CSMD1: variants seen among roughly 807,000 people sequenced by gnomAD.
CSMD1 encodes CUB and Sushi multiple domains 1.
A neutral mutation model predicts 417.5 loss-of-function variants in CSMD1; 213 were observed. The observed-to-expected ratio is 0.51, with a 90% CI of 0.46 to 0.57. The LOEUF is 0.57. Ranked by LOEUF, CSMD1 falls within the 20% of genes least tolerant of loss-of-function variation. The pLI, the probability that CSMD1 is intolerant of heterozygous loss-of-function variation, is 0.00. For missense variants in CSMD1, 6,923 were observed against 4,529.7 expected (o/e 1.53, Z -15.17); for synonymous variants, 2,862 against 1,736.8 (o/e 1.65, Z -16.11).
chr8:4,565,128 C>A (rs563427708), intron 2 of CSMD1, among the ~76,000 whole-genome samples: 1 of 152,332 alleles, frequency 6.6e-6, no homozygotes, highest in South Asian at 2.1e-4. Flanking sequence ...ATTAGAAGTA[C>A]AGCTTCTTAT....
intron 26 of CSMD1, among the ~76,000 whole-genome samples, chr8:3,282,394 T>C (rs1289414562): frequency 1.3e-5 from 2 of 152,052 alleles, no homozygotes; most frequent in Non-Finnish European, 2.9e-5. Flanking sequence ...TTGAAAAAAA[T>C]GCCTGGAGAA....
chr8:4,638,835 G>C (rs1047779931), intron 1 of CSMD1, among the ~76,000 whole-genome samples: 19 of 152,196 alleles, frequency 1.2e-4, no homozygotes, highest in African/African-American at 3.9e-4. Flanking sequence ...AAGCCACTGA[G>C]CAGTGTCTGA....
chr8:4,876,626 AG>A (rs1803057829), intron 1 of CSMD1, among the ~76,000 whole-genome samples: 2 of 152,084 alleles, frequency 1.3e-5, no homozygotes, highest in South Asian at 4.1e-4. Context: ...AGTTCACAAT[AG>A]GTTATTTAGG....
At chr8:3,062,591 A>C (rs1193331391) in intron 49 of CSMD1, among the ~76,000 whole-genome samples, 1 of 152,168 alleles carries the variant, frequency 6.6e-6, no homozygotes, top group Non-Finnish European at 1.5e-5. Context: ...ATGAAATGCA[A>C]AATTGAGGAT....
chr8:4,353,684 C>G (rs911616614), intron 3 of CSMD1, among the ~76,000 whole-genome samples: 5 of 152,172 alleles, frequency 3.3e-5, no homozygotes, highest in Admixed American at 6.6e-5. Context: ...TCTCAGAATT[C>G]ACAATCAGGC....
rs551605506 is a variant in CSMD1, at chr8:4,414,086, T to G, written c.415+5867A>C. Among the ~76,000 whole-genome samples the G allele has an allele frequency of 6.2e-4, 94 of 152,332 alleles. 1 individual carries two copies. Among genetic ancestry groups the G allele is most frequent in the African/African-American group, 2.1e-3 (87 of 41,578 alleles). ...GGTGCATCATGCATGCTCCATGCTT[T>G]AATTCAGGTGGAGTTTGGGTTATCA... On this transcript the variant is annotated intron_variant, in intron 3 of 69. Coordinates refer to ENST00000635120, the MANE Select transcript of CSMD1 (RefSeq NM_033225.6).
At chr8:4,763,059 G>T (rs989055067) in intron 1 of CSMD1, among the ~76,000 whole-genome samples, 5 of 152,108 alleles carry the variant, frequency 3.3e-5, no homozygotes, top group African/African-American at 1.2e-4. Context: ...GGGTACAGCT[G>T]TAACATCCAG....
At chr8:4,548,613 C>T (rs1169512692) in intron 2 of CSMD1, among the ~76,000 whole-genome samples, 1 of 152,274 alleles carries the variant, frequency 6.6e-6, no homozygotes, top group African/African-American at 2.4e-5. Flanking sequence ...GTAATAGATG[C>T]AAATGGCTTT....
At chr8:4,436,862 G>A (rs1409289748) in intron 2 of CSMD1, among the ~76,000 whole-genome samples, 1 of 152,038 alleles carries the variant, frequency 6.6e-6, no homozygotes, top group Non-Finnish European at 1.5e-5. Context: ...TCCTTTTTGT[G>A]GCTGAAGAGT....
chr8:2,937,946 T>C lies in CSMD1; in HGVS notation c.*639A>G, dbSNP rs1031613667. The C allele has an allele frequency of 1.3e-5, 2 of 152,638 alleles. No individual in the cohort carries two copies. The highest frequency in any genetic ancestry group is 2.9e-5 in the Non-Finnish European group (2 of 68,046). 9.5% of individuals were successfully genotyped at this position (152,638 alleles called of 1,614,324 possible). A position where few individuals can be genotyped will look rare whatever the true frequency, so the allele number is the denominator to read the frequency against. ...ACACACTAGTGCAAAAAATTGTGCA[T>C]TAAACATTCTGCGACAGAACAGCTG... On this transcript the variant is annotated 3_prime_UTR_variant, in exon 70 of 70. Transcript: ENST00000635120.
chr8:4,785,704 G>A (rs1362008006), intron 1 of CSMD1, among the ~76,000 whole-genome samples: 2 of 152,040 alleles, frequency 1.3e-5, no homozygotes, highest in South Asian at 4.1e-4. Flanking sequence ...AAGGAAGGGA[G>A]GATCACCCTT....
At chr8:4,219,328 C>G (rs558411072) in intron 3 of CSMD1, among the ~76,000 whole-genome samples, 4 of 152,254 alleles carry the variant, frequency 2.6e-5, no homozygotes, top group South Asian at 2.1e-4. Context: ...ATTTCATTCA[C>G]TTTCGTAACT....
intron 9 of CSMD1, among the ~76,000 whole-genome samples, chr8:3,585,649 C>T (rs1800568119): frequency 6.6e-6 from 1 of 152,202 alleles, no homozygotes; most frequent in Admixed American, 6.5e-5. Context: ...TTTTACTCTG[C>T]TAACTATGTT....
Position 3,020,000 on chromosome 8 carries a change from G to T in CSMD1, c.7856-1350C>A, listed in dbSNP as rs147637617. Among the ~76,000 whole-genome samples the T allele has an allele frequency of 1.2e-4, 19 of 152,358 alleles. No homozygotes were observed. In the South Asian group the frequency reaches 3.9e-3, roughly 32 times the overall value. The stretch of plus-strand genomic sequence containing the variant: ...GGGTGCTTCGCTGCAGCCTGCAGTG[G>T]CAAACATCGAGTTCTTCCTTATTCA... On this transcript the variant is annotated intron_variant, in intron 51 of 69. Coordinates refer to ENST00000635120, the MANE Select transcript of CSMD1 (RefSeq NM_033225.6).
intron 3 of CSMD1, among the ~76,000 whole-genome samples, chr8:4,201,540 CAAAAAAAAAAAAAAAAAAAAA>C (rs1157479482): frequency 1.7e-5 from 1 of 59,030 alleles, no homozygotes; most frequent in Non-Finnish European, 2.8e-5. Flanking sequence ...TCTGTCTCCA[CAAAAAAAAAAAAAAAAAAAAA>C]AAAAAAAAAA....
intron 3 of CSMD1, among the ~76,000 whole-genome samples, chr8:4,191,331 G>A (rs1001030046): frequency 6.6e-6 from 1 of 152,142 alleles, no homozygotes; most frequent in African/African-American, 2.4e-5. Context: ...GGGAGGCAGA[G>A]CCTGCAGTGA....
In CSMD1 at chr8:4,445,336, A is replaced by G. The variant is rs114941444; in HGVS notation, c.303-25271T>C. On this transcript the variant is annotated intron_variant, in intron 2 of 69. Coordinates refer to ENST00000635120, the MANE Select transcript of CSMD1 (RefSeq NM_033225.6). ...AAATCAACCATTTTCTGTATACTTC[A>G]GAAGTGTATGAAGTCTTTTCCTTAA... 3.0e-3 allele frequency among the ~76,000 whole-genome samples: 450 copies of G among 152,312 alleles called. 2 individuals carry two copies. Among genetic ancestry groups the G allele is most frequent in the African/African-American group, 0.011 (440 of 41,560 alleles).
intron 5 of CSMD1, among the ~76,000 whole-genome samples, chr8:3,913,086 G>C (rs763773483): frequency 4.6e-4 from 70 of 152,168 alleles, no homozygotes; most frequent in Non-Finnish European, 8.1e-4. Context: ...GGAGCTTTTG[G>C]ATGGTGTGTG....
intron 2 of CSMD1, among the ~76,000 whole-genome samples, chr8:4,430,687 T>C (rs895114108): frequency 5.9e-5 from 9 of 152,242 alleles, no homozygotes; most frequent in South Asian, 2.1e-4. Flanking sequence ...GTGTCTGTAA[T>C]AGACTATCGG....
Sources: allele counts gnomAD v4.1 joint callset (sites outside exome capture counted in the v4.1 genomes callset), GRCh38; gene constraint gnomAD v4.1.1; transcripts MANE v1.5; gene names NCBI Gene and HGNC (gene_info 2026-07-23, HGNC 2026-07-21).